ITGB8: variants seen among roughly 807,000 people sequenced by gnomAD.
ITGB8 encodes integrin beta-8.
Under a neutral mutation model 89.5 loss-of-function variants are expected in ITGB8, and 30 were observed. The observed-to-expected ratio is 0.34, with a 90% CI of 0.25 to 0.45. The LOEUF (loss-of-function observed/expected upper bound fraction) is 0.45. ITGB8 is among the 20% of genes least tolerant of loss of function. The pLI is 1.00. For synonymous variants in ITGB8, 335 were observed against 320.4 expected, an observed-to-expected ratio of 1.05 and a Z score of -0.49; for missense variants, 836 against 933.3, an observed-to-expected ratio of 0.90 and a Z score of 1.36.
At chr7:20,367,629 T>C (rs1003380859) in intron 3 of ITGB8, among the ~76,000 whole-genome samples, 10 of 152,174 alleles carry the variant, frequency 6.6e-5, no homozygotes, top group African/African-American at 2.4e-4. Flanking sequence ...ATTTTTGTGA[T>C]TTAATCACAA....
Position 20,411,726 on chromosome 7 carries a change from ATAATCAGCTTCCAGTCTTTCATGC to A in ITGB8, c.*1741_*1764del, listed in dbSNP as rs1378525817. The A allele has an allele frequency of 6.6e-6, 1 of 152,586 alleles. No homozygotes were observed. Among genetic ancestry groups the A allele is most frequent in the Non-Finnish European group, 1.5e-5 (1 of 68,058 alleles). The allele number at this position is 152,586 out of a possible 1,614,324, so 9.5% of individuals were successfully genotyped here. On this transcript the variant is annotated 3_prime_UTR_variant, in exon 14 of 14. Transcript: ENST00000222573. ...AGGAATAATTCAAACTGAATTGTCCATAATCAGCTTCCAGTCTTTCATGCTAATCAGCTTCTTAAGAGACTGAAG... is the reference window on the plus strand; with the variant it reads ...AGGAATAATTCAAACTGAATTGTCCATAATCAGCTTCTTAAGAGACTGAAG...
chr7:20,409,310 A>G (rs1026550015), intron 12 of ITGB8, among the ~76,000 whole-genome samples: 38 of 152,264 alleles, frequency 2.5e-4, no homozygotes, highest in African/African-American at 8.9e-4. Context: ...GTTATGGGAC[A>G]TGGACATATT....
chr7:20,399,854 AAAAG>A (rs923751665), intron 9 of ITGB8, among the ~76,000 whole-genome samples: 6 of 152,338 alleles, frequency 3.9e-5, no homozygotes, highest in African/African-American at 1.4e-4. Context: ...GCTATAGAAA[AAAAG>A]AAAAAGTTAT....
At chr7:20,409,536 G>A (rs1375411353) in intron 12 of ITGB8, 79 bp from the exon 13 acceptor site, 9 of 918,150 alleles carry the variant, frequency 9.8e-6, no homozygotes, top group Non-Finnish European at 1.5e-5. Context: ...TAATTGAAGT[G>A]TGAACATTAT....
chr7:20,368,441 C>T (rs1455791243), intron 3 of ITGB8, among the ~76,000 whole-genome samples: 2 of 152,156 alleles, frequency 1.3e-5, no homozygotes, highest in African/African-American at 4.8e-5. Context: ...TTACACATGC[C>T]TCTCTCTTGC....
intron 6 of ITGB8, among the ~76,000 whole-genome samples, chr7:20,387,474 G>T (rs755693202): frequency 3.9e-5 from 6 of 152,228 alleles, no homozygotes; most frequent in Admixed American, 3.9e-4. Flanking sequence ...TCAGACAGCT[G>T]CCCAGTGTCA....
intron 2 of ITGB8, chr7:20,364,875 A>G (rs1472866772): frequency 1.3e-5 from 2 of 152,096 alleles, no homozygotes; most frequent in Non-Finnish European, 2.9e-5. Flanking sequence ...TTATTTCCTG[A>G]CCCCAAACCA....
intron 8 of ITGB8, among the ~76,000 whole-genome samples, chr7:20,398,354 T>C (rs1787172939): frequency 6.6e-6 from 1 of 152,116 alleles, no homozygotes; most frequent in Admixed American, 6.6e-5. Context: ...CTCCCTAAAA[T>C]GTACTTGTCA....
At chr7:20,382,420 G>A (rs1036021304) in intron 6 of ITGB8, among the ~76,000 whole-genome samples, 2 of 152,158 alleles carry the variant, frequency 1.3e-5, no homozygotes, top group South Asian at 4.1e-4. Flanking sequence ...TATCTGGCTT[G>A]CTTCCTGAGG....
intron 3 of ITGB8, among the ~76,000 whole-genome samples, chr7:20,374,236 A>G (rs759817258): frequency 3.6e-4 from 55 of 152,198 alleles, no homozygotes; most frequent in Admixed American, 1.6e-3. Flanking sequence ...TTCTTTCTGT[A>G]GTAAACATGT....
At chr7:20,386,608 C>G (rs912405167) in intron 6 of ITGB8, among the ~76,000 whole-genome samples, 1 of 151,844 alleles carries the variant, frequency 6.6e-6, no homozygotes, top group African/African-American at 2.4e-5. Flanking sequence ...GAATGCTTCT[C>G]ATATTCTCAA....
intron 6 of ITGB8, among the ~76,000 whole-genome samples, chr7:20,390,001 A>G (rs751518097): frequency 5.3e-5 from 8 of 152,190 alleles, no homozygotes; most frequent in Non-Finnish European, 1.2e-4. Flanking sequence ...TTCTATCACA[A>G]CAATTATAGA....
At chr7:20,358,584 G>C (rs954180607) in intron 1 of ITGB8, among the ~76,000 whole-genome samples, 1 of 152,042 alleles carries the variant, frequency 6.6e-6, no homozygotes, top group Non-Finnish European at 1.5e-5. Flanking sequence ...TGTATTTTTA[G>C]TAGAGACAGG....
intron 1 of ITGB8, among the ~76,000 whole-genome samples, chr7:20,334,368 T>C (rs556751089): frequency 9.9e-5 from 15 of 152,280 alleles, no homozygotes; most frequent in Admixed American, 3.9e-4. Context: ...TTTTAAAAGA[T>C]TAAGAACTTT....
chr7:20,342,933 C>G (rs1216439226), intron 1 of ITGB8, among the ~76,000 whole-genome samples: 1 of 152,150 alleles, frequency 6.6e-6, no homozygotes, highest in Non-Finnish European at 1.5e-5. Context: ...GTGGGTCTGA[C>G]AAGGTGAAGA....
chr7:20,361,236 G>A (rs1785492229), intron 1 of ITGB8, among the ~76,000 whole-genome samples: 1 of 152,112 alleles, frequency 6.6e-6, no homozygotes, highest in South Asian at 2.1e-4. Flanking sequence ...TACCTGTTGA[G>A]TGAAACTCTT....
intron 3 of ITGB8, among the ~76,000 whole-genome samples, chr7:20,367,674 T>A (rs1248992237): frequency 1.3e-5 from 2 of 150,108 alleles, no homozygotes; most frequent in Non-Finnish European, 3.0e-5. Context: ...ACAAAGTTCT[T>A]AGAGACTTTG....
intron 3 of ITGB8, among the ~76,000 whole-genome samples, chr7:20,377,560 G>A (rs1036506237): frequency 6.6e-6 from 1 of 152,196 alleles, no homozygotes; most frequent in East Asian, 1.9e-4. Context: ...TCAAATTGCA[G>A]AACACTGCCA....
At position 20,410,157 on chromosome 7, in the gene ITGB8, T is replaced by G; in HGVS notation, c.*160T>G. ...ACTGACAAGTATCCTCATCATGATG[T>G]GACTCACATAGCTGCTGACTTTTTC... is the stretch of plus-strand genomic sequence containing the variant. On this transcript the variant is annotated 3_prime_UTR_variant, in exon 14 of 14. Coordinates refer to ENST00000222573, the MANE Select transcript of ITGB8 (RefSeq NM_002214.3). 1.5e-6 allele frequency: 1 copy of G among 682,268 alleles called. No individual in the cohort carries two copies. Among genetic ancestry groups the G allele is most frequent in the Non-Finnish European group, 2.5e-6 (1 of 404,566 alleles). The allele number at this position is 682,268 out of a possible 1,614,324, so 42.3% of individuals were successfully genotyped here.
Sources: gnomAD v4.1 joint callset for allele counts (sites outside exome capture counted in the v4.1 genomes callset) on GRCh38, gnomAD v4.1.1 for gene constraint, MANE v1.5 for transcripts, NCBI Gene and HGNC (gene_info 2026-07-23, HGNC 2026-07-21) for gene names.